RBPJ: variants seen among roughly 807,000 people sequenced by gnomAD.
The protein encoded by RBPJ is recombining binding protein suppressor of hairless.
Under a neutral mutation model 67.8 loss-of-function variants are expected in RBPJ, and 9 were observed. The observed-to-expected ratio is 0.13, with a 90% CI of 0.08 to 0.23. RBPJ has a LOEUF of 0.23. Among genes scored for constraint, RBPJ ranks in the 10% least tolerant of loss-of-function variants. RBPJ has a pLI of 1.00. For synonymous variants in RBPJ, 198 were observed against 203.3 expected (o/e 0.97, Z 0.22); for missense variants, 305 against 595.6 (o/e 0.51, Z 5.08).
chr4:26,247,467 A>G (rs1487440067), intron 1 of RBPJ, among the ~76,000 whole-genome samples: 2 of 152,042 alleles, frequency 1.3e-5, no homozygotes, highest in Middle Eastern at 3.2e-3. Flanking sequence ...CTGAAGTGCA[A>G]TGTCACGATC....
chr4:26,410,015 A>G (rs1470720857), intron 3 of RBPJ: 1 of 454,872 alleles, frequency 2.2e-6, no homozygotes, highest in Non-Finnish European at 4.4e-6. Context: ...AAACCCATTA[A>G]ATTTACTTGA....
chr4:26,163,717 T>G (rs1005784492), intron 1 of RBPJ: 1 of 152,246 alleles, frequency 6.6e-6, no homozygotes, highest in African/African-American at 2.4e-5. Flanking sequence ...TTTTTGCTAC[T>G]GCCACCTCAA....
chr4:26,186,183 C>T lies in RBPJ; in HGVS notation c.-167+22569C>T, dbSNP rs930860944. Among the ~76,000 whole-genome samples, 12 of 145,166 alleles carry T rather than the reference C, an allele frequency of 8.3e-5. No individual in the cohort carries two copies. The South Asian group carries it at 1.1e-3, about 13-fold the overall frequency. ...ATACCGTAACTTCTTTCTGCTCCCC[C>T]CTTTTTTTTAAAAAAAAAAAAAAAA... On this transcript the variant is annotated intron_variant, in intron 1 of 4. Coordinates refer to the RBPJ transcript ENST00000512351.
the RBPJ span, among the ~76,000 whole-genome samples, chr4:26,142,847 T>C: frequency 2.1e-4 from 32 of 152,288 alleles, no homozygotes; most frequent in South Asian, 6.4e-3. Flanking sequence ...AGTAGTGCAA[T>C]CTCAGCTCAC....
At chr4:26,140,623 C>T in the RBPJ span, among the ~76,000 whole-genome samples, 1 of 79,194 alleles carries the variant, frequency 1.3e-5, no homozygotes, top group Admixed American at 1.6e-4. Flanking sequence ...CAAAGCCGCC[C>T]CACCCCCCCA....
intron 1 of RBPJ, among the ~76,000 whole-genome samples, chr4:26,270,288 A>AAAGGG (rs1333099321): frequency 0.014 from 1,750 of 120,770 alleles, 169 homozygotes; most frequent in African/African-American, 0.058. Flanking sequence ...GTCGGAAAGG[A>AAAGGG]AAGGGAAGGG....
chr4:26,322,002 C>T (rs974001720), intron 1 of RBPJ: 1 of 151,944 alleles, frequency 6.6e-6, no homozygotes, highest in African/African-American at 2.4e-5. Flanking sequence ...TAAAGCGTCT[C>T]CAATTTTCAT....
At chr4:26,217,639 T>G (rs1006112385) in intron 1 of RBPJ, among the ~76,000 whole-genome samples, 11 of 152,298 alleles carry the variant, frequency 7.2e-5, no homozygotes, top group Middle Eastern at 3.4e-3. Context: ...CATTGCCTCT[T>G]GGCAGCGCTG....
chr4:26,415,523 G>GAAA lies in RBPJ; in HGVS notation c.211_213dup (p.Lys71dup). On this transcript the variant is annotated inframe_insertion, in exon 4 of 11. Transcript: ENST00000355476. ...TATATCTTATGGGCAGTGGATGGAA[G>GAAA]AAAAAAAAAGAACAAATGGAACGCG... 6.4e-7 allele frequency: 1 copy of GAAA among 1,574,146 alleles called. No homozygotes were observed. The highest frequency in any genetic ancestry group is 1.7e-5 in the Admixed American group (1 of 57,910).
At chr4:26,255,601 G>C (rs559528311) in intron 1 of RBPJ, among the ~76,000 whole-genome samples, 2,092 of 149,364 alleles carry the variant, frequency 0.014, 49 homozygotes, top group Middle Eastern at 0.077. Context: ...GGGAGATCGA[G>C]ACCATCCTGG....
chr4:26,307,221 G>A (rs1275847239), intron 1 of RBPJ, among the ~76,000 whole-genome samples: 1 of 152,156 alleles, frequency 6.6e-6, no homozygotes, highest in African/African-American at 2.4e-5. Flanking sequence ...GTCTGTGAGA[G>A]GGCTTGAGAC....
At chr4:26,150,479 T>G in the RBPJ span, among the ~76,000 whole-genome samples, 3 of 152,332 alleles carry the variant, frequency 2.0e-5, no homozygotes, top group African/African-American at 7.2e-5. Flanking sequence ...GTAGAGCACT[T>G]ACAGTGTGTT....
At chr4:26,129,561 T>C in the RBPJ span, among the ~76,000 whole-genome samples, 1 of 152,228 alleles carries the variant, frequency 6.6e-6, no homozygotes, top group Non-Finnish European at 1.5e-5. Flanking sequence ...ACCTCATTTT[T>C]CTCATCTGAA....
chr4:26,233,322 C>T (rs1486404813), intron 1 of RBPJ, among the ~76,000 whole-genome samples: 6 of 152,200 alleles, frequency 3.9e-5, no homozygotes, highest in Non-Finnish European at 8.8e-5. Flanking sequence ...CACAGGTGTC[C>T]ACATACAAGC....
chr4:26,239,376 G>T (rs539072752), intron 1 of RBPJ, among the ~76,000 whole-genome samples: 31 of 152,292 alleles, frequency 2.0e-4, no homozygotes, highest in African/African-American at 7.5e-4. Flanking sequence ...TTACTGAAGA[G>T]AAACAGTGAC....
At chr4:26,281,477 A>T (rs1721272121) in intron 1 of RBPJ, among the ~76,000 whole-genome samples, 1 of 152,036 alleles carries the variant, frequency 6.6e-6, no homozygotes, top group Non-Finnish European at 1.5e-5. Flanking sequence ...ATGGGGTTTC[A>T]CTATGTTGGC....
At chr4:26,262,903 G>A (rs1297226028) in intron 1 of RBPJ, among the ~76,000 whole-genome samples, 2 of 152,120 alleles carry the variant, frequency 1.3e-5, no homozygotes, top group Non-Finnish European at 2.9e-5. Context: ...AGGCTTCCCA[G>A]AGCAGAATCC....
chr4:26,320,575 G>A (rs2109319372), upstream of RBPJ: 2 of 581,720 alleles, frequency 3.4e-6, no homozygotes, highest in East Asian at 3.2e-5. Context: ...CCATTGAGGA[G>A]GTGTTTCATC....
Position 26,212,431 on chromosome 4 carries a change from T to TC in RBPJ, c.-167+48818dup. Among the ~76,000 whole-genome samples, 3 of 59,138 alleles carry TC rather than the reference T, an allele frequency of 5.1e-5. No homozygotes were observed. The East Asian group carries it at 2.6e-3, about 52-fold the overall frequency. The allele number at this position is 59,138 out of a possible 152,430, so 38.8% of individuals were successfully genotyped here. On this transcript the variant is annotated intron_variant, in intron 1 of 4. Coordinates refer to the RBPJ transcript ENST00000512351. ...CTTCTCCTGCCTTTTTCTTTTCTTT[T>TC]CTTTTTTTTTTTTTTTTTTTTTTGA...
Sources: allele counts gnomAD v4.1 joint callset (sites outside exome capture counted in the v4.1 genomes callset), GRCh38; gene constraint gnomAD v4.1.1; transcripts MANE v1.5; gene names NCBI Gene and HGNC (gene_info 2026-07-23, HGNC 2026-07-21).